Variants in MMS22L observed in about 807,000 individuals in gnomAD.
MMS22L encodes MMS22 like, DNA repair protein, also known as protein MMS22-like.
A neutral mutation model predicts 159.1 loss-of-function variants in MMS22L; 74 were observed. The observed-to-expected ratio is 0.47, with a 90% CI of 0.39 to 0.56. The LOEUF (loss-of-function observed/expected upper bound fraction) is 0.56. Among genes scored for constraint, MMS22L ranks in the 20% least tolerant of loss-of-function variants. The pLI, the probability that MMS22L is intolerant of heterozygous loss-of-function variation, is 0.00. For missense variants in MMS22L, 1,351 were observed against 1,422.1 expected, an observed-to-expected ratio of 0.95 and a Z score of 0.80; for synonymous variants, 517 against 506.9, an observed-to-expected ratio of 1.02 and a Z score of -0.27.
At chr6:97,171,158 C>T (rs891930822) in intron 19 of MMS22L, among the ~76,000 whole-genome samples, 97 of 152,254 alleles carry the variant, frequency 6.4e-4, no homozygotes, top group African/African-American at 2.3e-3. Context: ...AACTCTCAAT[C>T]CAGCACCTGA....
chr6:97,228,292 TCTTGA>T (rs971665921), intron 14 of MMS22L, among the ~76,000 whole-genome samples: 5 of 152,216 alleles, frequency 3.3e-5, no homozygotes, highest in South Asian at 2.1e-4. Flanking sequence ...CCAGAGCTGC[TCTTGA>T]CTTTAGTTCT....
chr6:97,172,194 C>T (rs1803617135), intron 19 of MMS22L, among the ~76,000 whole-genome samples: 1 of 152,012 alleles, frequency 6.6e-6, no homozygotes, highest in Non-Finnish European at 1.5e-5. Flanking sequence ...CTTATAAATT[C>T]TCACTTACAT....
chr6:97,212,480 T>C (rs1335347222), intron 14 of MMS22L, among the ~76,000 whole-genome samples: 2 of 152,160 alleles, frequency 1.3e-5, no homozygotes, highest in African/African-American at 4.8e-5. Context: ...AATAAACCAT[T>C]CTCTCACTTT....
intron 14 of MMS22L, among the ~76,000 whole-genome samples, chr6:97,189,551 CAAAAAAAAAAAAAAA>C (rs67620002): frequency 1.8e-5 from 1 of 55,224 alleles, no homozygotes; most frequent in Non-Finnish European, 3.0e-5. Flanking sequence ...ACTCTGTCTC[CAAAAAAAAAAAAAAA>C]AAAAAAAAAA....
At chr6:97,235,124 T>C (rs1811259244) in intron 11 of MMS22L, among the ~76,000 whole-genome samples, 1 of 152,154 alleles carries the variant, frequency 6.6e-6, no homozygotes, top group Admixed American at 6.5e-5. Context: ...TAAGAAGAGA[T>C]GCAGGGAGAC....
chr6:97,282,342 AT>A lies in MMS22L; in HGVS notation c.135del (p.Glu45AspfsTer12), dbSNP rs766393227. ...TTAAGGGCTCCGCTGCAGAGGTAGGATTCTCCAGAAAAATGTTTTCCTCCTC... is the reference window on the plus strand; with the variant it reads ...TTAAGGGCTCCGCTGCAGAGGTAGGATCTCCAGAAAAATGTTTTCCTCCTC... ...NRGGGKHFSG[E>X]SYLCSGALKR... On this transcript the variant is annotated frameshift_variant, in exon 2 of 25. Coordinates refer to ENST00000683635, the MANE Select transcript of MMS22L (RefSeq NM_001350599.2). LOFTEE classifies it high-confidence loss of function. 1 of 1,614,122 alleles carries A rather than the reference AT, an allele frequency of 6.2e-7. No individual in the cohort carries two copies. The highest frequency in any genetic ancestry group is 1.7e-5 in the Admixed American group (1 of 60,018).
rs1800966230 is a variant in MMS22L, at chr6:97,147,245, G to GT, written c.3651-359dup. 3.9e-5 allele frequency among the ~76,000 whole-genome samples: 6 copies of GT among 152,086 alleles called. No homozygotes were observed. The South Asian group carries it at 1.2e-3, about 32-fold the overall frequency. On this transcript the variant is annotated intron_variant, in intron 24 of 24. Coordinates refer to ENST00000683635, the MANE Select transcript of MMS22L (RefSeq NM_001350599.2). ...CAATGGGAAGACTTGTATCACAAGCGTAAGTATTAAAACAAAAATTCTGTA... is the reference window on the plus strand; with the variant it reads ...CAATGGGAAGACTTGTATCACAAGCGTTAAGTATTAAAACAAAAATTCTGTA...
chr6:97,165,539 C>G, intron 20 of MMS22L, 82 bp from the exon 21 acceptor site: 1 of 1,079,678 alleles, frequency 9.3e-7, no homozygotes, highest in South Asian at 1.5e-5. Flanking sequence ...AATGAAGTCC[C>G]CAGCATTAAT....
At chr6:97,207,288 C>T (rs76711811) in intron 14 of MMS22L, among the ~76,000 whole-genome samples, 8,611 of 152,120 alleles carry the variant, frequency 0.057, 341 homozygotes, top group Middle Eastern at 0.1. Flanking sequence ...ATTCAGAGGG[C>T]AATAATTGAA....
chr6:97,272,746 G>A lies in MMS22L; in HGVS notation c.564C>T (p.Pro188=), dbSNP rs935242289. 3.1e-6 allele frequency: 5 copies of A among 1,613,434 alleles called. No individual in the cohort carries two copies. The African/African-American group carries it at 4.0e-5, about 13-fold the overall frequency. ...TTACAAATGCTCCTATATTAACACT[G>A]GGAAGTTCAGATAGGTGTCCAATAT... The part of the protein sequence containing the change: ...LLYIGHLSEL[P]SVNIGAFVNQ... The change falls in exon 6 of 25, where the codon CCC becomes CCT. Residue 188 remains proline (P), a synonymous_variant. Transcript: ENST00000683635.
chr6:97,173,323 T>G, intron 18 of MMS22L, 101 bp from the exon 19 acceptor site: 1 of 1,026,594 alleles, frequency 9.7e-7, no homozygotes, highest in Non-Finnish European at 1.4e-6. Context: ...TACGCACCCA[T>G]ACCCTTTACA....
At chr6:97,255,475 T>C (rs1360822972) in intron 9 of MMS22L, among the ~76,000 whole-genome samples, 1 of 152,096 alleles carries the variant, frequency 6.6e-6, no homozygotes, top group Admixed American at 6.5e-5. Flanking sequence ...TGTTTTAAAT[T>C]CATAATTTTT....
intron 14 of MMS22L, among the ~76,000 whole-genome samples, chr6:97,212,693 G>A (rs1808518420): frequency 6.6e-6 from 1 of 152,136 alleles, no homozygotes; most frequent in Admixed American, 6.5e-5. Context: ...GCAGAGTCAG[G>A]ATTCAAATTC....
chr6:97,153,908 C>T (rs1801581401), intron 22 of MMS22L, among the ~76,000 whole-genome samples: 1 of 152,046 alleles, frequency 6.6e-6, no homozygotes, highest in Non-Finnish European at 1.5e-5. Context: ...ATAAACAATA[C>T]TGCTATAAAA....
At chr6:97,280,172 T>C (rs1289498885) in intron 3 of MMS22L, among the ~76,000 whole-genome samples, 1 of 152,184 alleles carries the variant, frequency 6.6e-6, no homozygotes, top group East Asian at 1.9e-4. Flanking sequence ...GGTGAGAGAA[T>C]TCCTTCCACC....
intron 14 of MMS22L, among the ~76,000 whole-genome samples, chr6:97,216,193 T>G (rs1173764479): frequency 1.3e-5 from 2 of 152,196 alleles, no homozygotes; most frequent in African/African-American, 4.8e-5. Context: ...AAACACATCT[T>G]AAAGAAAATA....
Position 97,224,515 on chromosome 6 carries a change from T to C in MMS22L, c.2039+4379A>G, listed in dbSNP as rs1275832137. ...AAATTATTATAAATAAAATGTGATA[T>C]ACTTGTCTCCACACCTCTCAAATCA... On this transcript the variant is annotated intron_variant, in intron 14 of 24. Transcript: ENST00000683635. 4.0e-5 allele frequency among the ~76,000 whole-genome samples: 6 copies of C among 151,520 alleles called. No homozygotes were observed. The East Asian group carries it at 5.8e-4, about 15-fold the overall frequency.
At chr6:97,261,548 G>A (rs777887014) in intron 9 of MMS22L, 42 of 152,080 alleles carry the variant, frequency 2.8e-4, no homozygotes, top group Non-Finnish European at 5.4e-4. Context: ...CAAAATACAT[G>A]TTAATTGTTT....
At chr6:97,282,291 A>T in intron 2 of MMS22L, 23 bp downstream of exon 2, 1 of 1,609,868 alleles carries the variant, frequency 6.2e-7, no homozygotes, top group Non-Finnish European at 8.5e-7. Flanking sequence ...AGATGAGGGA[A>T]AATGTCTCTG....
Sources: allele counts gnomAD v4.1 joint callset (sites outside exome capture counted in the v4.1 genomes callset), GRCh38; gene constraint gnomAD v4.1.1; transcripts MANE v1.5; gene names NCBI Gene and HGNC (gene_info 2026-07-23, HGNC 2026-07-21).